The following ASTN1 variants were observed in gnomAD, a reference collection of about 807,000 sequenced individuals.
The protein encoded by ASTN1 is astrotactin-1.
In ASTN1, 41 loss-of-function variants were observed where a neutral mutation model predicts 140.7. That is an observed-to-expected ratio of 0.29 (90% CI 0.23 to 0.38). The LOEUF is 0.38. ASTN1 is among the 10% of genes least tolerant of loss of function. ASTN1 has a pLI of 1.00. For missense variants in ASTN1, 1,479 were observed against 1,678.8 expected (o/e 0.88, Z 2.08); for synonymous variants, 640 against 652.2 (o/e 0.98, Z 0.29).
chr1:177,089,497 TCAA>T (rs1450011128), intron 1 of ASTN1, among the ~76,000 whole-genome samples: 2 of 152,040 alleles, frequency 1.3e-5, no homozygotes, highest in Non-Finnish European at 2.9e-5. Flanking sequence ...ACAAATAAGA[TCAA>T]CGTTTGCTTC....
chr1:176,892,366 G>A (rs1369466821), intron 17 of ASTN1, among the ~76,000 whole-genome samples: 1 of 152,136 alleles, frequency 6.6e-6, no homozygotes, highest in East Asian at 1.9e-4. Context: ...GTTGTGATGG[G>A]GGTATCATAA....
intron 8 of ASTN1, among the ~76,000 whole-genome samples, chr1:176,975,064 A>C (rs1164232759): frequency 6.6e-6 from 1 of 152,234 alleles, no homozygotes; most frequent in East Asian, 1.9e-4. Flanking sequence ...ATCTGTCCCC[A>C]CATGGGAGAA....
At chr1:177,014,956 A>C in intron 7 of ASTN1, 81 bp from the exon 8 acceptor site, 1 of 1,315,488 alleles carries the variant, frequency 7.6e-7, no homozygotes, top group East Asian at 2.3e-5. Context: ...ATTAACATGA[A>C]ATAGTCAGGG....
At chr1:176,892,583 T>C (rs535818332) in intron 17 of ASTN1, among the ~76,000 whole-genome samples, 1 of 152,352 alleles carries the variant, frequency 6.6e-6, no homozygotes. Context: ...GATACCTGGT[T>C]CATTATATGG....
intron 1 of ASTN1, among the ~76,000 whole-genome samples, chr1:177,129,838 G>A (rs1319852351): frequency 6.6e-6 from 1 of 152,088 alleles, no homozygotes; most frequent in Non-Finnish European, 1.5e-5. Flanking sequence ...ATGGTGGCAC[G>A]CACCTGTAGT....
intron 1 of ASTN1, among the ~76,000 whole-genome samples, chr1:177,155,060 G>T (rs1683183902): frequency 1.3e-5 from 2 of 152,150 alleles, no homozygotes; most frequent in African/African-American, 4.8e-5. Context: ...GAAAAGAAAA[G>T]ATGTCAATAA....
chr1:176,997,938 G>C (rs968610734), intron 8 of ASTN1, among the ~76,000 whole-genome samples: 1 of 152,130 alleles, frequency 6.6e-6, no homozygotes, highest in African/African-American at 2.4e-5. Flanking sequence ...TAAATGACCT[G>C]AGCAAAAGTG....
At chr1:177,158,187 T>C (rs1391675940) in intron 1 of ASTN1, among the ~76,000 whole-genome samples, 1 of 152,232 alleles carries the variant, frequency 6.6e-6, no homozygotes, top group Non-Finnish European at 1.5e-5. Flanking sequence ...TAGATTACCG[T>C]CAACAATTTG....
At chr1:177,090,033 C>CA (rs1679670866) in intron 1 of ASTN1, among the ~76,000 whole-genome samples, 78 of 151,562 alleles carry the variant, frequency 5.1e-4, no homozygotes, top group Middle Eastern at 3.4e-3. Flanking sequence ...ACACACACAC[C>CA]CCCCTCAATC....
chr1:176,872,715 C>T lies in ASTN1; in HGVS notation c.3464-3688G>A, dbSNP rs150132578. ...CTTGGAGCTCCTCTCCTGCTCTTCT[C>T]CCTCCCACTGTTCCTCCTTCCTCTT... On this transcript the variant is annotated intron_variant, in intron 21 of 22. Coordinates refer to ENST00000361833, the MANE Select transcript of ASTN1 (RefSeq NM_004319.3). 7.9e-3 allele frequency among the ~76,000 whole-genome samples: 1,207 copies of T among 152,194 alleles called. 18 individuals are homozygous for T. The highest frequency in any genetic ancestry group is 0.028 in the African/African-American group (1,157 of 41,504).
chr1:177,155,896 G>C (rs1361386859), intron 1 of ASTN1, among the ~76,000 whole-genome samples: 1 of 152,138 alleles, frequency 6.6e-6, no homozygotes, highest in African/African-American at 2.4e-5. Context: ...TCAGCTGAGA[G>C]AGCCTAGAAG....
At position 177,136,355 on chromosome 1, in the gene ASTN1, T is replaced by A. The variant is rs907259468; in HGVS notation, c.283+28039A>T. On this transcript the variant is annotated intron_variant, in intron 1 of 22. Transcript: ENST00000361833. ...TTTTTTGTTTTTTTATTTTTCTTCC[T>A]TTTTTTTTTTTTTTTGAGACAGGGT... 2.4e-4 allele frequency among the ~76,000 whole-genome samples: 28 copies of A among 115,930 alleles called. No individual in the cohort carries two copies. In the South Asian group the frequency reaches 6.0e-3, roughly 25 times the overall value. 76.1% of individuals were successfully genotyped at this position (115,930 alleles called of 152,430 possible).
chr1:176,942,124 A>G (rs74127265), intron 14 of ASTN1, among the ~76,000 whole-genome samples: 4,344 of 152,132 alleles, frequency 0.029, 194 homozygotes, highest in African/African-American at 0.098. Context: ...TTTTCATACT[A>G]TTTTCCTTTT....
intron 19 of ASTN1, among the ~76,000 whole-genome samples, chr1:176,884,064 T>C (rs1037593149): frequency 1.3e-5 from 2 of 152,134 alleles, no homozygotes; most frequent in Non-Finnish European, 2.9e-5. Context: ...CTAGAGGCAA[T>C]GAAATGGACA....
rs1222623551 is a variant in ASTN1 at position 177,023,389 on chromosome 1, G to A, written c.1438+15C>T. 2.0e-5 allele frequency: 31 copies of A among 1,570,616 alleles called. No individual in the cohort carries two copies. Among genetic ancestry groups the A allele is most frequent in the Non-Finnish European group, 2.6e-5 (30 of 1,157,998 alleles). ...TCTCTCTGACAGTTACCCGCTGCCC[G>A]GTGCTCCCGCCTACCAGTTTCGGGG... On this transcript the variant is annotated intron_variant, in intron 7 of 22. Transcript: ENST00000361833.
At chr1:177,123,227 A>G (rs1450134704) in intron 1 of ASTN1, among the ~76,000 whole-genome samples, 2 of 152,188 alleles carry the variant, frequency 1.3e-5, no homozygotes, top group Admixed American at 1.3e-4. Flanking sequence ...CCCTCTCAGT[A>G]CAGGTGATGG....
chr1:177,106,358 C>G (rs529438713), intron 1 of ASTN1, among the ~76,000 whole-genome samples: 2 of 152,288 alleles, frequency 1.3e-5, no homozygotes, highest in Non-Finnish European at 2.9e-5. Context: ...GCTGTCTTAG[C>G]CTATGAATGC....
intron 7 of ASTN1, among the ~76,000 whole-genome samples, chr1:177,018,890 A>G (rs757539820): frequency 2.0e-5 from 3 of 152,206 alleles, no homozygotes; most frequent in Non-Finnish European, 2.9e-5. Flanking sequence ...ATGCAGCCCT[A>G]GTGTTTTGCT....
At chr1:177,088,098 T>A (rs1361058554) in intron 1 of ASTN1, among the ~76,000 whole-genome samples, 1 of 152,238 alleles carries the variant, frequency 6.6e-6, no homozygotes, top group Non-Finnish European at 1.5e-5. Flanking sequence ...GGGAACCAAC[T>A]TCATGTGCCT....
Sources: allele counts gnomAD v4.1 joint callset (sites outside exome capture counted in the v4.1 genomes callset), GRCh38; gene constraint gnomAD v4.1.1; transcripts MANE v1.5; gene names NCBI Gene and HGNC (gene_info 2026-07-23, HGNC 2026-07-21).